Variants in CCDC141 observed in about 807,000 individuals in gnomAD.
The protein encoded by CCDC141 is coiled-coil domain containing 141.
In CCDC141, 168 loss-of-function variants were observed where a neutral mutation model predicts 181.0. The ratio of observed to expected loss-of-function variants is 0.93; its 90% CI spans 0.82 to 1.05. CCDC141 has a LOEUF of 1.05. Ranked by LOEUF, CCDC141 falls within the 50% of genes least tolerant of loss-of-function variation. The pLI is 0.00. For missense variants in CCDC141, 1,902 were observed against 1,788.5 expected, an observed-to-expected ratio of 1.06 and a Z score of -1.14; for synonymous variants, 666 against 642.3, an observed-to-expected ratio of 1.04 and a Z score of -0.56.
At chr2:178,984,408 T>C (rs1691606253) in intron 2 of CCDC141, among the ~76,000 whole-genome samples, 1 of 151,180 alleles carries the variant, frequency 6.6e-6, no homozygotes, top group Non-Finnish European at 1.5e-5. Flanking sequence ...CTGCATCAAC[T>C]AACGAGCAAA....
intron 6 of CCDC141, among the ~76,000 whole-genome samples, chr2:178,920,927 T>C (rs932969093): frequency 3.3e-5 from 5 of 152,334 alleles, no homozygotes; most frequent in African/African-American, 1.2e-4. Context: ...TTGTGGCTTA[T>C]AACTATAATC....
chr2:178,968,923 A>G (rs1362457989), intron 4 of CCDC141, among the ~76,000 whole-genome samples: 5 of 152,082 alleles, frequency 3.3e-5, no homozygotes, highest in Non-Finnish European at 4.4e-5. Flanking sequence ...TCCCACAGAA[A>G]TACAAACCAA....
chr2:178,851,849 A>G (rs943821920), intron 20 of CCDC141, among the ~76,000 whole-genome samples: 3 of 152,332 alleles, frequency 2.0e-5, no homozygotes, highest in East Asian at 3.9e-4. Flanking sequence ...GATAACAGGT[A>G]TGCACAAATT....
chr2:178,863,879 C>A (rs1415273206), intron 17 of CCDC141, among the ~76,000 whole-genome samples: 1 of 152,218 alleles, frequency 6.6e-6, no homozygotes, highest in East Asian at 1.9e-4. Flanking sequence ...ATGTATCTGG[C>A]TGCTCATTCC....
intron 7 of CCDC141, among the ~76,000 whole-genome samples, chr2:178,907,386 G>A (rs1227287754): frequency 6.6e-6 from 1 of 152,192 alleles, no homozygotes; most frequent in Non-Finnish European, 1.5e-5. Flanking sequence ...CTTAAATCCT[G>A]GGCTGTGGTG....
At chr2:178,991,840 A>G (rs1692070124) in intron 2 of CCDC141, among the ~76,000 whole-genome samples, 1 of 151,880 alleles carries the variant, frequency 6.6e-6, no homozygotes, top group East Asian at 1.9e-4. Context: ...TTTATTTAAC[A>G]TAATTATATA....
chr2:178,984,079 C>T (rs1400134228), intron 2 of CCDC141, among the ~76,000 whole-genome samples: 1 of 152,118 alleles, frequency 6.6e-6, no homozygotes, highest in East Asian at 1.9e-4. Context: ...GGTCGGGTTA[C>T]CCTCAAAGGG....
chr2:178,966,102 A>C (rs1051129020), intron 4 of CCDC141, among the ~76,000 whole-genome samples: 2 of 152,196 alleles, frequency 1.3e-5, no homozygotes, highest in African/African-American at 4.8e-5. Flanking sequence ...TCTGAAAAAA[A>C]GGCAGCCGCC....
chr2:178,993,327 G>A, intron 2 of CCDC141, among the ~76,000 whole-genome samples: 1 of 152,186 alleles, frequency 6.6e-6, no homozygotes, highest in Non-Finnish European at 1.5e-5. Context: ...AGTTACACGT[G>A]ACTGGGGAAG....
rs1182988450 is a variant in CCDC141, at chr2:178,831,802, A to G, written c.*2371T>C. 1.3e-5 allele frequency: 2 copies of G among 152,204 alleles called. No individual in the cohort carries two copies. The highest frequency in any genetic ancestry group is 2.9e-5 in the Non-Finnish European group (2 of 68,052). 9.4% of individuals were successfully genotyped at this position (152,204 alleles called of 1,614,324 possible). On this transcript the variant is annotated 3_prime_UTR_variant, in exon 24 of 24. Coordinates refer to ENST00000443758, the MANE Select transcript of CCDC141 (RefSeq NM_173648.4). ...TAGATGGATAGGTACACAGAAAGCT[A>G]TCTGTACTATATCTTGAATATCAGC...
intron 9 of CCDC141, 78 bp from the exon 10 acceptor site, chr2:178,886,949 ATAT>A (rs1247367605): frequency 2.5e-6 from 2 of 794,994 alleles, no homozygotes; most frequent in Non-Finnish European, 3.5e-6. Context: ...AGGAAGATAA[ATAT>A]TATTTTATAG....
chr2:179,015,208 T>TGTC (rs1183361467), intron 2 of CCDC141, among the ~76,000 whole-genome samples: 1 of 73,816 alleles, frequency 1.4e-5, no homozygotes, highest in African/African-American at 4.5e-5. Context: ...ATATCATATA[T>TGTC]ATCATATATC....
chr2:178,961,131 T>C (rs1439219003), intron 5 of CCDC141, 99 bp downstream of exon 5: 8 of 1,324,394 alleles, frequency 6.0e-6, no homozygotes, highest in South Asian at 1.6e-5. Flanking sequence ...ACCAAAAGAT[T>C]TGACCATGAA....
chr2:178,894,606 T>C (rs1687320634), intron 8 of CCDC141, among the ~76,000 whole-genome samples: 1 of 150,446 alleles, frequency 6.6e-6, no homozygotes, highest in Admixed American at 6.6e-5. Context: ...AAATTAGAAA[T>C]CACAGAAATG....
At chr2:178,949,341 C>G (rs1221180953) in intron 5 of CCDC141, among the ~76,000 whole-genome samples, 1 of 152,172 alleles carries the variant, frequency 6.6e-6, no homozygotes, top group Admixed American at 6.5e-5. Flanking sequence ...CTTTGCACCC[C>G]TCCTATGATA....
chr2:179,004,630 T>A (rs1038313437), intron 2 of CCDC141, among the ~76,000 whole-genome samples: 3 of 152,232 alleles, frequency 2.0e-5, no homozygotes, highest in African/African-American at 7.2e-5. Context: ...ATTCTATGAA[T>A]GACATCTGGA....
rs77071759 is a variant in CCDC141, at chr2:178,886,807, C to T, written c.1472G>A (p.Arg491His). 6.4e-5 allele frequency: 94 copies of T among 1,477,550 alleles called. No individual in the cohort carries two copies. The highest frequency in any genetic ancestry group is 3.9e-4 in the East Asian group (15 of 38,090). 91.5% of individuals were successfully genotyped at this position (1,477,550 alleles called of 1,614,324 possible). A position where few individuals can be genotyped will look rare whatever the true frequency, so the allele number is the denominator to read the frequency against. ...ATTCAAAATCTTCTCTGATTCAGAA[C>T]GGGTAGAACCAACATCCATTGCATT... ...LSNAMDVGST[R>H]SESEKILNKY... Residue 491 changes from arginine (R) to histidine (H), a missense_variant, in exon 10 of 24, where the codon CGT becomes CAT. Arg to His is a conservative substitution (Grantham distance 29). Coordinates refer to ENST00000443758, the MANE Select transcript of CCDC141 (RefSeq NM_173648.4).
In CCDC141 at chr2:178,918,770, C is replaced by T. The variant is rs1688561655; in HGVS notation, c.1035G>A (p.Met345Ile). 1 of 1,550,450 alleles carries T rather than the reference C, an allele frequency of 6.4e-7. No individual in the cohort carries two copies. The change falls in exon 7 of 24, where the codon ATG becomes ATA. Residue 345 changes from methionine (M) to isoleucine (I), a missense_variant. Physicochemically the swap from Met to Ile is conservative, Grantham distance 10. Transcript: ENST00000443758. ...TCTTTAACCAGGTATTCCTTTCCAC[C>T]ATGAGTTGACCAAATTCTTCTTGAA... ...SQLQEEFGQL[M>I]VERNTWLKKA... is the part of the protein sequence containing the mutation.
At chr2:178,851,968 T>C (rs1685182722) in intron 20 of CCDC141, among the ~76,000 whole-genome samples, 1 of 152,214 alleles carries the variant, frequency 6.6e-6, no homozygotes, top group South Asian at 2.1e-4. Flanking sequence ...TTTTAAAAAA[T>C]ATATAGCTTC....
Sources: gnomAD v4.1 joint callset for allele counts (sites outside exome capture counted in the v4.1 genomes callset) on GRCh38, gnomAD v4.1.1 for gene constraint, MANE v1.5 for transcripts, NCBI Gene and HGNC (gene_info 2026-07-23, HGNC 2026-07-21) for gene names.